The following KCNT2 variants were observed in gnomAD, a reference collection of about 807,000 sequenced individuals.
The protein encoded by KCNT2 is potassium channel subfamily T member 2.
In KCNT2, 67 loss-of-function variants were observed where a neutral mutation model predicts 153.8. The observed-to-expected ratio is 0.44, with a 90% CI of 0.36 to 0.53. The LOEUF (loss-of-function observed/expected upper bound fraction) is 0.53, where lower values mean the gene tolerates loss of function less well. KCNT2 is among the 20% of genes least tolerant of loss of function. KCNT2 has a pLI of 0.00. For synonymous variants in KCNT2, 500 were observed against 458.8 expected, an observed-to-expected ratio of 1.09 and a Z score of -1.15; for missense variants, 975 against 1,354.8, an observed-to-expected ratio of 0.72 and a Z score of 4.40.
At chr1:196,500,559 A>G (rs1680620448) in intron 1 of KCNT2, among the ~76,000 whole-genome samples, 1 of 152,248 alleles carries the variant, frequency 6.6e-6, no homozygotes, top group African/African-American at 2.4e-5. Context: ...CCCCATAAAT[A>G]GTGGGACATG....
Position 196,421,044 on chromosome 1 carries a change from C to T in KCNT2, c.1185+2006G>A, listed in dbSNP as rs543164889. On this transcript the variant is annotated intron_variant, in intron 12 of 27. Coordinates refer to ENST00000294725, the MANE Select transcript of KCNT2 (RefSeq NM_198503.5). ...TCTATTTTCTGAGACTGTTGAGGTT[C>T]GGTTGCAAAACGCAGCTTGCTTCTA... Among the ~76,000 whole-genome samples the T allele has an allele frequency of 1.2e-4, 18 of 152,134 alleles. No homozygotes were observed. In the South Asian group the frequency reaches 3.3e-3, roughly 28 times the overall value.
intron 1 of KCNT2, among the ~76,000 whole-genome samples, chr1:196,577,610 C>A (rs978959673): frequency 3.9e-5 from 6 of 152,132 alleles, no homozygotes; most frequent in Non-Finnish European, 7.4e-5. Flanking sequence ...GAACCAATGG[C>A]AATGGTGCCT....
At chr1:196,539,415 A>G (rs574369047) in intron 1 of KCNT2, among the ~76,000 whole-genome samples, 261 of 152,286 alleles carry the variant, frequency 1.7e-3, no homozygotes, top group Non-Finnish European at 3.3e-3. Flanking sequence ...ATGTTTGAGT[A>G]TAGATTCCCA....
intron 1 of KCNT2, among the ~76,000 whole-genome samples, chr1:196,591,597 T>A (rs1289578811): frequency 6.6e-6 from 1 of 152,070 alleles, no homozygotes; most frequent in Non-Finnish European, 1.5e-5. Flanking sequence ...AGAATGCAAA[T>A]CTCCAATGCT....
At chr1:196,255,039 T>C (rs1485555662) in intron 26 of KCNT2, among the ~76,000 whole-genome samples, 1 of 151,548 alleles carries the variant, frequency 6.6e-6, no homozygotes, top group Non-Finnish European at 1.5e-5. Context: ...ATCAGGAAGA[T>C]TTACTTGCCA....
chr1:196,339,825 A>G (rs998314388), intron 16 of KCNT2, among the ~76,000 whole-genome samples: 1 of 152,096 alleles, frequency 6.6e-6, no homozygotes, highest in Non-Finnish European at 1.5e-5. Context: ...CTTCTGTGTC[A>G]TAGAAGCCAA....
chr1:196,605,773 A>T (rs1450725628), intron 1 of KCNT2, among the ~76,000 whole-genome samples: 6 of 152,204 alleles, frequency 3.9e-5, no homozygotes, highest in Non-Finnish European at 8.8e-5. Context: ...ATATTAGCTT[A>T]GGAGTCTGAA....
chr1:196,509,138 G>A lies in KCNT2; in HGVS notation c.96-16797C>T, dbSNP rs918758889. ...ACAAAAATTAACTGGGCTTGGTGGC[G>A]TGTGCCTGTAATCCTAGCTACTCGG... On this transcript the variant is annotated intron_variant, in intron 1 of 27. Transcript: ENST00000294725. 5.9e-5 allele frequency among the ~76,000 whole-genome samples: 9 copies of A among 151,686 alleles called. No individual in the cohort carries two copies. The East Asian group carries it at 7.7e-4, about 13-fold the overall frequency.
At chr1:196,600,171 C>CATTT (rs1664558016) in intron 1 of KCNT2, among the ~76,000 whole-genome samples, 1 of 152,140 alleles carries the variant, frequency 6.6e-6, no homozygotes, top group Non-Finnish European at 1.5e-5. Context: ...TACAGAGAAT[C>CATTT]CAACATCATT....
chr1:196,408,513 A>C (rs913148318), intron 12 of KCNT2, among the ~76,000 whole-genome samples: 1 of 151,630 alleles, frequency 6.6e-6, no homozygotes, highest in Non-Finnish European at 1.5e-5. Context: ...TTTGCTATTA[A>C]ATTTTAAACC....
intron 1 of KCNT2, among the ~76,000 whole-genome samples, chr1:196,564,198 T>G (rs1289499567): frequency 6.6e-6 from 1 of 151,658 alleles, no homozygotes; most frequent in Non-Finnish European, 1.5e-5. Flanking sequence ...CATACTAAAA[T>G]TAGTAGGATT....
Position 196,285,757 on chromosome 1 carries a change from T to C in KCNT2, c.2597A>G (p.Lys866Arg), listed in dbSNP as rs1659595926. Residue 866 changes from lysine to arginine, a missense_variant and splice_region_variant, in exon 23 of 28, where the codon AAA becomes AGA. By Grantham distance (26) the Lys-to-Arg change is conservative. Coordinates refer to ENST00000294725, the MANE Select transcript of KCNT2 (RefSeq NM_198503.5). ...CAAGTTAGAGCCTCTCTCCCGTTCT[T>C]TCTGTTCAGAAATTTGAGATAGAAA... ...YSLALSKLEK[K>R]ERERGSNLAF... 15 of 1,597,186 alleles carry C rather than the reference T, an allele frequency of 9.4e-6. No homozygotes were observed. The highest frequency in any genetic ancestry group is 1.3e-5 in the Non-Finnish European group (15 of 1,165,598).
chr1:196,465,490 A>G, intron 7 of KCNT2, 103 bp from the exon 8 acceptor site: 1 of 687,768 alleles, frequency 1.5e-6, no homozygotes, highest in East Asian at 2.7e-5. Context: ...TCTCCTGTAC[A>G]CATACATACA....
chr1:196,568,204 C>T (rs1660333873), intron 1 of KCNT2, among the ~76,000 whole-genome samples: 1 of 152,050 alleles, frequency 6.6e-6, no homozygotes. Context: ...TGAAACTGTT[C>T]CACCCCAGAT....
At chr1:196,572,745 C>T (rs545094752) in intron 1 of KCNT2, among the ~76,000 whole-genome samples, 28 of 152,196 alleles carry the variant, frequency 1.8e-4, no homozygotes, top group Non-Finnish European at 2.6e-4. Flanking sequence ...AAGAGGAGAA[C>T]ATTTACTGAG....
intron 12 of KCNT2, among the ~76,000 whole-genome samples, chr1:196,412,586 T>C (rs1672427140): frequency 6.6e-6 from 1 of 151,302 alleles, no homozygotes; most frequent in African/African-American, 2.4e-5. Context: ...GACAAGACAA[T>C]AGAATAGTGA....
chr1:196,276,391 A>C (rs1352427869), intron 25 of KCNT2, among the ~76,000 whole-genome samples: 1 of 152,086 alleles, frequency 6.6e-6, no homozygotes, highest in Non-Finnish European at 1.5e-5. Flanking sequence ...AGATATATGC[A>C]ATAATTCATC....
chr1:196,492,193 G>A, intron 2 of KCNT2, 69 bp downstream of exon 2: 6 of 1,328,218 alleles, frequency 4.5e-6, no homozygotes, highest in Non-Finnish European at 5.9e-6. Flanking sequence ...TTTTGCAAAA[G>A]ATCACACAGT....
At chr1:196,573,787 A>G (rs1661040768) in intron 1 of KCNT2, among the ~76,000 whole-genome samples, 1 of 152,090 alleles carries the variant, frequency 6.6e-6, no homozygotes, top group African/African-American at 2.4e-5. Context: ...GCTTAATGGA[A>G]GAGATATAAA....
Sources: allele counts gnomAD v4.1 joint callset (sites outside exome capture counted in the v4.1 genomes callset), GRCh38; gene constraint gnomAD v4.1.1; transcripts MANE v1.5; gene names NCBI Gene and HGNC (gene_info 2026-07-23, HGNC 2026-07-21).